Variants in RDH11 observed in about 807,000 individuals in gnomAD.
RDH11 encodes retinol dehydrogenase 11.
RDH11 carries 19 observed loss-of-function variants against 33.4 expected under a neutral mutation model. The ratio of observed to expected loss-of-function variants is 0.57; its 90% confidence interval spans 0.40 to 0.83. The LOEUF is 0.83. RDH11 is among the 40% of genes least tolerant of loss of function. The pLI is 0.00. For synonymous variants in RDH11, 154 were observed against 155.3 expected, an observed-to-expected ratio of 0.99 and a Z score of 0.06; for missense variants, 353 against 389.0, an observed-to-expected ratio of 0.91 and a Z score of 0.78.
intron 6 of RDH11, among the ~76,000 whole-genome samples, chr14:67,683,793 A>T (rs1444438198): frequency 6.6e-6 from 1 of 152,098 alleles, no homozygotes; most frequent in Non-Finnish European, 1.5e-5. Flanking sequence ...TTCCCTTTCA[A>T]CCTAGGGGTC....
chr14:67,678,392 C>G lies in RDH11; in HGVS notation c.886G>C (p.Ala296Pro). The G allele has an allele frequency of 6.2e-7, 1 of 1,613,970 alleles. No homozygotes were observed. Residue 296 changes from alanine to proline, a missense_variant, in exon 7 of 7, where the codon GCT becomes CCT. Physicochemically the swap from Ala to Pro is conservative, Grantham distance 27 (BLOSUM62 -1). Coordinates refer to ENST00000381346, the MANE Select transcript of RDH11 (RefSeq NM_016026.4). ...DCHVAWVSAQ[A>P]RNETIARRLW... ...CGCCTTGCTATAGTCTCATTACGAG[C>G]TTGGGCAGAGACCCATGCCACATGA... is the stretch of plus-strand genomic sequence containing the variant.
At chr14:67,683,436 C>T (rs1352009814) in intron 6 of RDH11, among the ~76,000 whole-genome samples, 1 of 152,306 alleles carries the variant, frequency 6.6e-6, no homozygotes, top group East Asian at 1.9e-4. Context: ...ATAGATAACA[C>T]ACATGCAACA....
chr14:67,677,618 G>C lies in RDH11; in HGVS notation c.*703C>G, dbSNP rs1233643094. On this transcript the variant is annotated 3_prime_UTR_variant, in exon 7 of 7. Coordinates refer to ENST00000381346, the MANE Select transcript of RDH11 (RefSeq NM_016026.4). ...GCTACCCATGTGCTCTTGGTGGGTA[G>C]TTACCAACATATACAGAATCTGCTT... 1 of 151,702 alleles carries C rather than the reference G, an allele frequency of 6.6e-6. No homozygotes were observed. The highest frequency in any genetic ancestry group is 1.5e-5 in the Non-Finnish European group (1 of 67,938). 9.4% of individuals were successfully genotyped at this position (151,702 alleles called of 1,614,324 possible).
At position 67,692,476 on chromosome 14, in the gene RDH11, G is replaced by A. The variant is rs766611885; in HGVS notation, c.311C>T (p.Thr104Ile). 13 of 1,614,032 alleles carry A rather than the reference G, an allele frequency of 8.1e-6. No individual in the cohort carries two copies. Among genetic ancestry groups the A allele is most frequent in the Non-Finnish European group, 1.1e-5 (13 of 1,180,038 alleles). The part of the protein sequence containing the change: ...VLVRKLDLSD[T>I]KSIRAFAKGF... ...CTTAGCAAAAGCTCGAATAGACTTA[G>A]TATCAGACAGGTCCAGTTTCCGCAC... The change falls in exon 3 of 7, where the codon ACT becomes ATT. Residue 104 changes from threonine (T) to isoleucine (I), a missense_variant. Transcript: ENST00000381346.
At chr14:67,687,278 A>G (rs2037689776) in intron 5 of RDH11, among the ~76,000 whole-genome samples, 1 of 152,154 alleles carries the variant, frequency 6.6e-6, no homozygotes, top group South Asian at 2.1e-4. Flanking sequence ...CTCTTAGAAT[A>G]AACACTAAAA....
Position 67,693,881 on chromosome 14 carries a change from C to T in RDH11, c.75-829G>A, listed in dbSNP as rs149804326. Among the ~76,000 whole-genome samples the T allele has an allele frequency of 5.1e-4, 78 of 152,214 alleles. 1 individual carries two copies. In the East Asian group the frequency reaches 0.014, roughly 27 times the overall value. On this transcript the variant is annotated intron_variant, in intron 1 of 6. Coordinates refer to ENST00000381346, the MANE Select transcript of RDH11 (RefSeq NM_016026.4). ...GGCCAGGATGGTCTCGAACTCCTGA[C>T]CTCAGGTGATCCGCCCACCTCAGCC...
chr14:67,684,676 G>A (rs2037654417), intron 6 of RDH11: 1 of 161,626 alleles, frequency 6.2e-6, no homozygotes, highest in Admixed American at 6.4e-5. Context: ...ACAGGCGTAA[G>A]CCACTGCGCC....
At chr14:67,690,052 C>G in intron 5 of RDH11, 160 bp downstream of exon 5, 1 of 621,902 alleles carries the variant, frequency 1.6e-6, no homozygotes, top group Non-Finnish European at 2.8e-6. Context: ...CCAGCCACCT[C>G]CAATATTCAG....
intron 1 of RDH11, among the ~76,000 whole-genome samples, chr14:67,695,327 T>C (rs973490012): frequency 6.6e-6 from 1 of 152,190 alleles, no homozygotes; most frequent in African/African-American, 2.4e-5. Context: ...ACTCAAGCGT[T>C]TGAGGTAGCC....
At chr14:67,693,177 GA>G (rs761610962) in intron 1 of RDH11, 125 bp from the exon 2 acceptor site, 44 of 585,988 alleles carry the variant, frequency 7.5e-5, no homozygotes, top group Non-Finnish European at 1.2e-4. Context: ...TCCTTTTAAG[GA>G]AACAGTGTCC....
Position 67,678,389 on chromosome 14 carries a change from G to C in RDH11, c.889C>G (p.Arg297Gly). ...AGCCGCCTTGCTATAGTCTCATTAC[G>C]AGCTTGGGCAGAGACCCATGCCACA... Reference protein sequence around the residue: ...CHVAWVSAQARNETIARRLWD... With the variant: ...CHVAWVSAQAGNETIARRLWD... The change falls in exon 7 of 7, where the codon CGT becomes GGT. Residue 297 changes from arginine (R) to glycine (G), a missense_variant. Coordinates refer to ENST00000381346, the MANE Select transcript of RDH11 (RefSeq NM_016026.4). 1 of 1,613,866 alleles carries C rather than the reference G, an allele frequency of 6.2e-7. No homozygotes were observed. Among genetic ancestry groups the C allele is most frequent in the East Asian group, 2.2e-5 (1 of 44,878 alleles).
intron 5 of RDH11, among the ~76,000 whole-genome samples, chr14:67,688,247 C>T (rs1175710487): frequency 2.0e-5 from 3 of 152,128 alleles, no homozygotes; most frequent in African/African-American, 7.2e-5. Context: ...TCCTTTATAA[C>T]ATTTATCACA....
At chr14:67,683,626 G>C (rs1248069472) in intron 6 of RDH11, among the ~76,000 whole-genome samples, 1 of 152,156 alleles carries the variant, frequency 6.6e-6, no homozygotes, top group African/African-American at 2.4e-5. Flanking sequence ...TAAAAATGAA[G>C]GGATAGGAGG....
chr14:67,679,138 G>A (rs913810194), intron 6 of RDH11, among the ~76,000 whole-genome samples: 1 of 152,146 alleles, frequency 6.6e-6, no homozygotes, highest in South Asian at 2.1e-4. Flanking sequence ...CAAGATGGAA[G>A]GCATGACATG....
At chr14:67,684,984 T>C (rs769121434) in intron 6 of RDH11, 31 bp downstream of exon 6, 4 of 1,565,098 alleles carry the variant, frequency 2.6e-6, no homozygotes, top group Non-Finnish European at 3.5e-6. Flanking sequence ...GAGCAATAAA[T>C]CTCATCTGCA....
intron 6 of RDH11, among the ~76,000 whole-genome samples, chr14:67,678,628 A>G (rs1313980379): frequency 6.6e-6 from 1 of 152,092 alleles, no homozygotes; most frequent in Non-Finnish European, 1.5e-5. Context: ...TCGCTAGACC[A>G]CCTCTCATCA....
chr14:67,685,324 G>A (rs2037664871), intron 5 of RDH11, 120 bp from the exon 6 acceptor site: 2 of 710,518 alleles, frequency 2.8e-6, no homozygotes, highest in South Asian at 3.9e-5. Context: ...TGCCCATGGT[G>A]ACATCAGAAG....
intron 6 of RDH11, among the ~76,000 whole-genome samples, chr14:67,681,175 A>C (rs2037611444): frequency 6.6e-6 from 1 of 152,246 alleles, no homozygotes. Context: ...GAGTGTGTGT[A>C]CATAGAGGAA....
intron 4 of RDH11, chr14:67,690,696 C>G: frequency 2.3e-6 from 1 of 440,456 alleles, no homozygotes; most frequent in Non-Finnish European, 4.1e-6. Context: ...TTCTTAAGAG[C>G]TGGTTGGCTG....
Sources: gnomAD v4.1 joint callset for allele counts (sites outside exome capture counted in the v4.1 genomes callset) on GRCh38, gnomAD v4.1.1 for gene constraint, MANE v1.5 for transcripts, NCBI Gene and HGNC (gene_info 2026-07-23, HGNC 2026-07-21) for gene names.